The following MYO1H variants were observed in gnomAD, a reference collection of about 807,000 sequenced individuals.
MYO1H encodes the protein unconventional myosin-Ih.
A neutral mutation model predicts 149.3 loss-of-function variants in MYO1H; 118 were observed. The ratio of observed to expected loss-of-function variants is 0.79; its 90% CI spans 0.68 to 0.92. The LOEUF is 0.92. Among genes scored for constraint, MYO1H ranks in the 40% least tolerant of loss-of-function variants. The pLI is 0.00. For synonymous variants in MYO1H, 447 were observed against 465.2 expected (o/e 0.96, Z 0.50); for missense variants, 1,212 against 1,280.7 (o/e 0.95, Z 0.82).
intron 1 of MYO1H, among the ~76,000 whole-genome samples, chr12:109,352,300 C>T (rs1868478254): frequency 1.3e-5 from 2 of 152,156 alleles, no homozygotes; most frequent in South Asian, 2.1e-4. Flanking sequence ...CTAACAACGG[C>T]ATGCTGAGGC....
At chr12:109,406,748 C>T in intron 8 of MYO1H, 41 bp from the exon 9 acceptor site, 1 of 1,581,608 alleles carries the variant, frequency 6.3e-7, no homozygotes, top group Non-Finnish European at 8.7e-7. Context: ...GCAAGTAAAA[C>T]TGCGTCACTG....
At chr12:109,380,045 T>C (rs1356591887) in intron 1 of MYO1H, among the ~76,000 whole-genome samples, 3 of 151,958 alleles carry the variant, frequency 2.0e-5, no homozygotes, top group Admixed American at 2.0e-4. Flanking sequence ...ATTTTAACTT[T>C]TTAAAATTTT....
intron 25 of MYO1H, among the ~76,000 whole-genome samples, chr12:109,441,288 T>G (rs1035340382): frequency 1.3e-5 from 2 of 152,218 alleles, no homozygotes; most frequent in African/African-American, 4.8e-5. Context: ...AGAATGTTAC[T>G]TACAAAAAGG....
In MYO1H at chr12:109,405,874, C is replaced by T. The variant is rs763970864; in HGVS notation, c.850-48C>T. On this transcript the variant is annotated intron_variant, in intron 7 of 31. Coordinates refer to ENST00000310903, the Ensembl canonical transcript of MYO1H. ...GTATCAATTAGGCGGCCACCGTTCT[C>T]TTTCCCTGTCCTGATCTCCTGTCTC... 3.6e-6 allele frequency: 5 copies of T among 1,390,632 alleles called. No homozygotes were observed. The East Asian group carries it at 9.2e-5, about 25-fold the overall frequency. The allele number at this position is 1,390,632 out of a possible 1,614,324, so 86.1% of individuals were successfully genotyped here. A position where few individuals can be genotyped will look rare whatever the true frequency, so the allele number is the denominator to read the frequency against.
intron 1 of MYO1H, among the ~76,000 whole-genome samples, chr12:109,375,492 C>G (rs1422237565): frequency 1.3e-5 from 2 of 152,130 alleles, no homozygotes; most frequent in Admixed American, 1.3e-4. Context: ...TTGCCACCAT[C>G]CTATTTTTAG....
chr12:109,325,316 A>T, the MYO1H span, among the ~76,000 whole-genome samples: 1 of 152,180 alleles, frequency 6.6e-6, no homozygotes, highest in African/African-American at 2.4e-5. Context: ...ACAATGGTTG[A>T]ACTAGAACAA....
At chr12:109,333,528 C>T in the MYO1H span, among the ~76,000 whole-genome samples, 17 of 152,160 alleles carry the variant, frequency 1.1e-4, no homozygotes, top group African/African-American at 3.6e-4. Flanking sequence ...GTCCCTGCTG[C>T]CTTATTTGTC....
chr12:109,355,868 C>T (rs1453488688), intron 1 of MYO1H, among the ~76,000 whole-genome samples: 2 of 127,738 alleles, frequency 1.6e-5, no homozygotes, highest in African/African-American at 6.6e-5. Flanking sequence ...CTGCCACGCC[C>T]AGCAAATTTT....
chr12:109,428,155 T>C (rs925262064), intron 19 of MYO1H, among the ~76,000 whole-genome samples: 3 of 150,786 alleles, frequency 2.0e-5, no homozygotes, highest in South Asian at 4.2e-4. Context: ...TTCATTTCAC[T>C]AATCCCTGAC....
Position 109,403,980 on chromosome 12 carries a change from A to G in MYO1H, c.751-2A>G, listed in dbSNP as rs2137053489. On this transcript the variant is annotated splice_acceptor_variant, in intron 6 of 31. Coordinates refer to ENST00000310903, the Ensembl canonical transcript of MYO1H. LOFTEE classifies it high-confidence loss of function. ...TAAGTGACTCAAACTTTTTGTCAAC[A>G]GGGTCATTGTGCCAAAGAGTCATCC... The G allele has an allele frequency of 1.2e-6, 2 of 1,611,448 alleles. No homozygotes were observed. Among genetic ancestry groups the G allele is most frequent in the East Asian group, 2.2e-5 (1 of 44,882 alleles).
At chr12:109,384,978 T>C (rs777999109) in intron 1 of MYO1H, among the ~76,000 whole-genome samples, 5 of 152,210 alleles carry the variant, frequency 3.3e-5, no homozygotes, top group Non-Finnish European at 5.9e-5. Context: ...TTTCTAATAA[T>C]CGTGATTATT....
chr12:109,387,429 G>A (rs1002935548), intron 1 of MYO1H, among the ~76,000 whole-genome samples: 2 of 152,162 alleles, frequency 1.3e-5, no homozygotes, highest in African/African-American at 4.8e-5. Context: ...ATATCCATAT[G>A]TACCAGTTGT....
exon 32 of MYO1H, chr12:109,447,248 T>C: frequency 7.0e-7 from 1 of 1,418,616 alleles, no homozygotes; most frequent in African/African-American, 1.4e-5. Context: ...ACAGGGGAAG[T>C]GGGGATTGGA....
At chr12:109,310,527 G>T in the MYO1H span, among the ~76,000 whole-genome samples, 1 of 152,086 alleles carries the variant, frequency 6.6e-6, no homozygotes, top group Non-Finnish European at 1.5e-5. Flanking sequence ...TCAGGCACCC[G>T]AAGCGTCTGG....
intron 18 of MYO1H, 42 bp from the exon 19 acceptor site, chr12:109,427,427 A>G (rs1871395166): frequency 7.6e-7 from 1 of 1,313,908 alleles, no homozygotes; most frequent in Non-Finnish European, 1.1e-6. Flanking sequence ...ATATGAAGCC[A>G]TGGGATCCTT....
At chr12:109,387,729 C>A (rs1869415383) in intron 1 of MYO1H, among the ~76,000 whole-genome samples, 1 of 152,224 alleles carries the variant, frequency 6.6e-6, no homozygotes, top group Admixed American at 6.5e-5. Context: ...CAGCTCTGGC[C>A]AAGGGCCTGG....
At chr12:109,347,889 A>G (rs113552372), upstream of MYO1H, 586 of 399,036 alleles carry the variant, frequency 1.5e-3, 5 homozygotes, top group African/African-American at 0.011. Context: ...CAGAATCATA[A>G]GTCAGTGGGA....
At chr12:109,352,627 TACAG>T (rs1475526348) in intron 1 of MYO1H, among the ~76,000 whole-genome samples, 1 of 152,202 alleles carries the variant, frequency 6.6e-6, no homozygotes, top group African/African-American at 2.4e-5. Flanking sequence ...GTGTTAAACA[TACAG>T]AAAAGAAGAA....
At chr12:109,325,328 C>T in the MYO1H span, among the ~76,000 whole-genome samples, 187 of 152,244 alleles carry the variant, frequency 1.2e-3, 1 homozygote, top group African/African-American at 4.4e-3. Context: ...CTAGAACAAG[C>T]GATGGGGAAA....
Sources: allele counts gnomAD v4.1 joint callset (sites outside exome capture counted in the v4.1 genomes callset), GRCh38; gene constraint gnomAD v4.1.1; transcripts MANE v1.5; gene names NCBI Gene and HGNC (gene_info 2026-07-23, HGNC 2026-07-21).